Variants in TSGA10 observed in about 807,000 individuals in gnomAD.
TSGA10 encodes testis specific 10.
TSGA10 carries 43 observed loss-of-function variants against 96.6 expected under a neutral mutation model. The ratio of observed to expected loss-of-function variants is 0.44; its 90% CI spans 0.35 to 0.57. The LOEUF (loss-of-function observed/expected upper bound fraction) is 0.57. Ranked by LOEUF, TSGA10 falls within the 20% of genes least tolerant of loss-of-function variation. The pLI is 0.01. For missense variants in TSGA10, 703 were observed against 834.4 expected (o/e 0.84, Z 1.94); for synonymous variants, 229 against 269.9 (o/e 0.85, Z 1.48).
intron 16 of TSGA10, among the ~76,000 whole-genome samples, chr2:99,055,414 G>A (rs1042172164): frequency 6.6e-6 from 1 of 151,674 alleles, no homozygotes; most frequent in Non-Finnish European, 1.5e-5. Flanking sequence ...GGGGACAATA[G>A]TTAATAATAA....
At chr2:99,003,136 C>T (rs945065581) in intron 20 of TSGA10, among the ~76,000 whole-genome samples, 18 of 152,102 alleles carry the variant, frequency 1.2e-4, no homozygotes, top group African/African-American at 4.1e-4. Context: ...GGATTATAGG[C>T]GTAAGCTACC....
intron 1 of TSGA10, among the ~76,000 whole-genome samples, chr2:99,132,532 AT>A (rs962325890): frequency 1.3e-5 from 2 of 151,718 alleles, no homozygotes; most frequent in African/African-American, 4.8e-5. Context: ...CTAGCGGTCT[AT>A]TTTGTTTATC....
intron 16 of TSGA10, among the ~76,000 whole-genome samples, chr2:99,041,919 C>T (rs568145854): frequency 6.6e-5 from 10 of 152,042 alleles, no homozygotes; most frequent in East Asian, 5.8e-4. Context: ...TTGCAAATGA[C>T]GCATCCAATA....
At position 99,153,078 on chromosome 2, in the gene TSGA10, C is replaced by G. The variant is rs112712543; in HGVS notation, c.-621+1615G>C. On this transcript the variant is annotated intron_variant, in intron 1 of 20. Coordinates refer to ENST00000393483, the MANE Select transcript of TSGA10 (RefSeq NM_025244.4). ...CTGGCAAAGGGGACTGCGGAGTTGG[C>G]AGTGAGGCTGGAGGAAAACCTGGCA... Among the ~76,000 whole-genome samples, 428 of 152,152 alleles carry G rather than the reference C, an allele frequency of 2.8e-3. 4 individuals are homozygous for G. Among genetic ancestry groups the G allele is most frequent in the Non-Finnish European group, 5.0e-3 (341 of 68,008 alleles).
chr2:99,006,622 G>A (rs1483855241), intron 20 of TSGA10, among the ~76,000 whole-genome samples: 5 of 152,094 alleles, frequency 3.3e-5, no homozygotes, highest in African/African-American at 7.2e-5. Flanking sequence ...TTATAATGGC[G>A]ATCATTAAAG....
At chr2:99,031,544 T>C (rs931885001) in intron 17 of TSGA10, among the ~76,000 whole-genome samples, 1 of 152,068 alleles carries the variant, frequency 6.6e-6, no homozygotes, top group Non-Finnish European at 1.5e-5. Flanking sequence ...AGAAAGACCC[T>C]GTTAAGAGAA....
intron 10 of TSGA10, among the ~76,000 whole-genome samples, chr2:99,096,316 CCTTT>C (rs1248048037): frequency 6.6e-6 from 1 of 152,216 alleles, no homozygotes; most frequent in Non-Finnish European, 1.5e-5. Context: ...TTGTTATACA[CCTTT>C]CTAAGTTTGG....
At position 99,018,056 on chromosome 2, in the gene TSGA10, GTATTT is replaced by G. The variant is rs996512936; in HGVS notation, c.2072+139_2072+143del. ...ATTCTAATTTAATTATCAAAATCCT[GTATTT>G]TATATCAATATATCTTGGTAATCAT... is the stretch of plus-strand genomic sequence containing the variant. On this transcript the variant is annotated intron_variant, in intron 20 of 20. Coordinates refer to ENST00000393483, the MANE Select transcript of TSGA10 (RefSeq NM_025244.4). 5 of 651,354 alleles carry G rather than the reference GTATTT, an allele frequency of 7.7e-6. No individual in the cohort carries two copies. In the Admixed American group the frequency reaches 1.4e-4, roughly 19 times the overall value. 40.3% of individuals were successfully genotyped at this position (651,354 alleles called of 1,614,324 possible). A position where few individuals can be genotyped will look rare whatever the true frequency, so the allele number is the denominator to read the frequency against.
Position 99,105,703 on chromosome 2 carries a change from A to G in TSGA10, c.211-6T>C, listed in dbSNP as rs895542984. ...CGGGTAATTTCTTCCTGTGCCTATT[A>G]TTTAAATCATAGACTTTGGTTGAAC... On this transcript the variant is annotated splice_polypyrimidine_tract_variant and splice_region_variant and intron_variant, in intron 7 of 20. Coordinates refer to ENST00000393483, the MANE Select transcript of TSGA10 (RefSeq NM_025244.4). 1 of 1,583,922 alleles carries G rather than the reference A, an allele frequency of 6.3e-7. No individual in the cohort carries two copies.
At chr2:99,020,238 A>T (rs190679885) in intron 18 of TSGA10, 42 bp downstream of exon 18, 19,771 of 1,545,988 alleles carry the variant, frequency 0.013, 142 homozygotes, top group Middle Eastern at 0.015. Context: ...GTACCAAAAA[A>T]TTAAGATGTA....
chr2:99,069,009 AAGAT>A lies in TSGA10; in HGVS notation c.1108-15_1108-12del. On this transcript the variant is annotated splice_polypyrimidine_tract_variant and intron_variant, in intron 14 of 20. Coordinates refer to ENST00000393483, the MANE Select transcript of TSGA10 (RefSeq NM_025244.4). ...TTTTTTGGACAGTGCCTACGAAAAA[AAGAT>A]AGGTATATTTGACTATGAAAAATAA... 2 of 1,380,582 alleles carry A rather than the reference AAGAT, an allele frequency of 1.4e-6. No homozygotes were observed. The highest frequency in any genetic ancestry group is 3.4e-5 in the South Asian group (2 of 59,060). The allele number at this position is 1,380,582 out of a possible 1,614,324, so 85.5% of individuals were successfully genotyped here. A position where few individuals can be genotyped will look rare whatever the true frequency, so the allele number is the denominator to read the frequency against.
intron 17 of TSGA10, among the ~76,000 whole-genome samples, chr2:99,030,385 C>A (rs529345209): frequency 6.8e-6 from 1 of 146,540 alleles, no homozygotes; most frequent in Non-Finnish European, 1.5e-5. Context: ...TGCTGGCTAA[C>A]GCCTGTAATC....
intron 16 of TSGA10, among the ~76,000 whole-genome samples, chr2:99,059,049 AATATATAT>A (rs58675400): frequency 1.3e-4 from 18 of 136,390 alleles, no homozygotes; most frequent in African/African-American, 4.2e-4. Context: ...AAAAAAAAAT[AATATATAT>A]ATATATATAT....
chr2:99,143,315 G>GTT (rs1313461568), intron 1 of TSGA10, among the ~76,000 whole-genome samples: 1 of 146,958 alleles, frequency 6.8e-6, no homozygotes, highest in African/African-American at 2.5e-5. Flanking sequence ...CTTTTTTTTT[G>GTT]TTTGTTTTTT....
intron 1 of TSGA10, among the ~76,000 whole-genome samples, chr2:99,144,578 G>A (rs1412926888): frequency 6.8e-6 from 1 of 146,272 alleles, no homozygotes; most frequent in Non-Finnish European, 1.5e-5. Flanking sequence ...GAACCCGGGA[G>A]GCAGAGGTTG....
chr2:99,147,492 A>T, intron 1 of TSGA10: 5 of 1,613,946 alleles, frequency 3.1e-6, no homozygotes, highest in Non-Finnish European at 4.2e-6. Flanking sequence ...GGGGAAGTTA[A>T]GGTAAGACTC....
At chr2:99,146,668 G>A (rs1008073111) in intron 1 of TSGA10, among the ~76,000 whole-genome samples, 10 of 151,834 alleles carry the variant, frequency 6.6e-5, no homozygotes, top group African/African-American at 9.7e-5. Context: ...TTGCTCTGTC[G>A]CCCAGGCTGG....
intron 17 of TSGA10, among the ~76,000 whole-genome samples, chr2:99,031,132 C>T (rs2081091232): frequency 6.6e-6 from 1 of 151,158 alleles, no homozygotes; most frequent in Admixed American, 6.6e-5. Flanking sequence ...GGGGGAAAGA[C>T]AGATACATAG....
Position 99,118,536 on chromosome 2 carries a change from G to A in TSGA10, c.-356+15C>T, listed in dbSNP as rs191409243. Reference sequence around the variant, plus strand: ...AACTTTTTAAAAAGTCCTTTTGAAAGTATCAGTAACTTACTTGACTAAGCT... The same window carrying A: ...AACTTTTTAAAAAGTCCTTTTGAAAATATCAGTAACTTACTTGACTAAGCT... On this transcript the variant is annotated intron_variant, in intron 3 of 20. Transcript: ENST00000393483. The A allele has an allele frequency of 2.1e-6, 2 of 973,438 alleles. No homozygotes were observed. The highest frequency in any genetic ancestry group is 2.3e-4 in the East Asian group (2 of 8,710). 60.3% of individuals were successfully genotyped at this position (973,438 alleles called of 1,614,324 possible).
Sources: gnomAD v4.1 joint callset for allele counts (sites outside exome capture counted in the v4.1 genomes callset) on GRCh38, gnomAD v4.1.1 for gene constraint, MANE v1.5 for transcripts, NCBI Gene and HGNC (gene_info 2026-07-23, HGNC 2026-07-21) for gene names.